JPH2: variants seen among roughly 807,000 people sequenced by gnomAD.
JPH2 encodes the protein junctophilin 2.
Under a neutral mutation model 55.9 loss-of-function variants are expected in JPH2, and 38 were observed. That is an observed-to-expected ratio of 0.68 (90% confidence interval 0.52 to 0.89). The LOEUF (loss-of-function observed/expected upper bound fraction) is 0.89. JPH2 is among the 40% of genes least tolerant of loss of function. The probability of loss-of-function intolerance (pLI) is 0.00; values close to 1 mark genes in which losing one functional copy is unlikely to be tolerated. For synonymous variants in JPH2, 480 were observed against 472.4 expected, an observed-to-expected ratio of 1.02 and a Z score of -0.21; for missense variants, 964 against 1,037.6, an observed-to-expected ratio of 0.93 and a Z score of 0.97.
chr20:44,159,570 C>T lies in JPH2; in HGVS notation c.1169+48G>A, dbSNP rs1432954742. On this transcript the variant is annotated intron_variant, in intron 2 of 5. Coordinates refer to ENST00000372980, the MANE Select transcript of JPH2 (RefSeq NM_020433.5). The surrounding 1 kb of genome is among the most constrained non-coding windows in gnomAD (Gnocchi z 5.7). ...CCTAGGTTGCCCTGCCCCAGGACCCCCTTCTCCGAGGGGAGGCGACCCCTT... is the reference window on the plus strand; with the variant it reads ...CCTAGGTTGCCCTGCCCCAGGACCCTCTTCTCCGAGGGGAGGCGACCCCTT... 1 of 1,557,656 alleles carries T rather than the reference C, an allele frequency of 6.4e-7. No individual in the cohort carries two copies. Among genetic ancestry groups the T allele is most frequent in the Non-Finnish European group, 8.6e-7 (1 of 1,156,074 alleles).
In JPH2 at chr20:44,160,419, G is replaced by A. The variant is rs987288946; in HGVS notation, c.380-12C>T. 2.5e-6 allele frequency: 4 copies of A among 1,607,758 alleles called. No homozygotes were observed. The highest frequency in any genetic ancestry group is 3.4e-6 in the Non-Finnish European group (4 of 1,178,096). ...GCCTTGGTACGTCCCTGCGGGCGAG[G>A]AGAGGGCGCGTCAGTAGGCGGCACG... On this transcript the variant is annotated splice_polypyrimidine_tract_variant and intron_variant, in intron 1 of 5. Transcript: ENST00000372980. The surrounding 1 kb of genome is among the most constrained non-coding windows in gnomAD (Gnocchi z 4.9).
chr20:44,163,673 G>A (rs76740827), intron 1 of JPH2, among the ~76,000 whole-genome samples: 3,514 of 152,330 alleles, frequency 0.023, 69 homozygotes, highest in Non-Finnish European at 0.034. Context: ...TGGGATCCAA[G>A]CCTAAGCCTG....
intron 2 of JPH2, among the ~76,000 whole-genome samples, chr20:44,140,578 C>T (rs780503511): frequency 6.6e-6 from 1 of 152,184 alleles, no homozygotes; most frequent in Non-Finnish European, 1.5e-5. Flanking sequence ...AAGGATACGG[C>T]TTGGCCAAAG....
intron 2 of JPH2, among the ~76,000 whole-genome samples, chr20:44,145,544 C>T (rs949477618): frequency 6.7e-6 from 1 of 148,562 alleles, no homozygotes; most frequent in African/African-American, 2.5e-5. Context: ...GAGGAGGCTG[C>T]AATAAGTCGA....
At chr20:44,115,347 C>G (rs1394268224) in intron 4 of JPH2, among the ~76,000 whole-genome samples, 1 of 152,186 alleles carries the variant, frequency 6.6e-6, no homozygotes, top group Non-Finnish European at 1.5e-5. Context: ...CCCAACCCCC[C>G]TGACTGGGCA....
chr20:44,126,161 AG>A (rs2072274332), intron 2 of JPH2, among the ~76,000 whole-genome samples: 1 of 46,978 alleles, frequency 2.1e-5, no homozygotes, highest in African/African-American at 8.6e-5. Context: ...GGAGGGAGGG[AG>A]GGAGGGAGGA....
intron 2 of JPH2, among the ~76,000 whole-genome samples, chr20:44,154,779 T>G (rs2072553341): frequency 6.6e-6 from 1 of 152,178 alleles, no homozygotes. Flanking sequence ...ACAATCCTGC[T>G]TTTCCTCCTG....
intron 2 of JPH2, among the ~76,000 whole-genome samples, chr20:44,131,643 C>A (rs986792220): frequency 1.3e-5 from 2 of 152,170 alleles, no homozygotes; most frequent in African/African-American, 4.8e-5. Context: ...GCTGTTCCTG[C>A]CATACTTTTA....
intron 2 of JPH2, among the ~76,000 whole-genome samples, chr20:44,143,516 C>T (rs779723194): frequency 3.3e-5 from 5 of 152,198 alleles, no homozygotes; most frequent in East Asian, 1.9e-4. Flanking sequence ...ATCCTTCAGA[C>T]GGACAATGCT....
At chr20:44,168,929 T>C (rs930581992) in intron 1 of JPH2, among the ~76,000 whole-genome samples, 1 of 151,914 alleles carries the variant, frequency 6.6e-6, no homozygotes, top group Non-Finnish European at 1.5e-5. Flanking sequence ...GGTGAGTGAG[T>C]TTCTGCTCTG....
chr20:44,112,802 C>T lies in JPH2; in HGVS notation c.*716G>A, dbSNP rs2072155755. The T allele has an allele frequency of 6.6e-6, 1 of 152,350 alleles. No homozygotes were observed. Among genetic ancestry groups the T allele is most frequent in the Non-Finnish European group, 1.5e-5 (1 of 68,204 alleles). 9.4% of individuals were successfully genotyped at this position (152,350 alleles called of 1,614,324 possible). On this transcript the variant is annotated 3_prime_UTR_variant, in exon 6 of 6. Coordinates refer to ENST00000372980, the MANE Select transcript of JPH2 (RefSeq NM_020433.5). ...CTCTTCCCACCCTGCCCCCTGGCCA[C>T]CTGGTCAGTGGCTTCCCAGCCAGAG...
chr20:44,136,576 A>C (rs2072415179), intron 2 of JPH2, among the ~76,000 whole-genome samples: 1 of 152,148 alleles, frequency 6.6e-6, no homozygotes, highest in African/African-American at 2.4e-5. Flanking sequence ...CACTATCCCC[A>C]CTTTGCAGGT....
chr20:44,136,521 T>C lies in JPH2; in HGVS notation c.1170-17898A>G, dbSNP rs181005001. On this transcript the variant is annotated intron_variant, in intron 2 of 5. Transcript: ENST00000372980. ...ACCTACTAGATGCCCGGCACTTGCA[T>C]GCGTTTTCTTAATTAATTCTCACAA... Among the ~76,000 whole-genome samples, 241 of 152,248 alleles carry C rather than the reference T, an allele frequency of 1.6e-3. 2 individuals are homozygous for C. The highest frequency in any genetic ancestry group is 5.5e-3 in the African/African-American group (230 of 41,528).
chr20:44,126,020 G>A (rs947470145), intron 2 of JPH2, among the ~76,000 whole-genome samples: 2 of 151,618 alleles, frequency 1.3e-5, no homozygotes, highest in Admixed American at 6.6e-5. Flanking sequence ...CCGCTACTTG[G>A]AAGGCTGAGG....
At chr20:44,149,963 G>GAAAAAA (rs67234498) in intron 2 of JPH2, among the ~76,000 whole-genome samples, 7 of 11,454 alleles carry the variant, frequency 6.1e-4, no homozygotes, top group Non-Finnish European at 7.0e-4. Context: ...GGCGACAGAG[G>GAAAAAA]AAAAAAAAAA....
intron 2 of JPH2, among the ~76,000 whole-genome samples, chr20:44,154,758 G>A (rs1400792416): frequency 1.3e-5 from 2 of 152,176 alleles, no homozygotes; most frequent in East Asian, 1.9e-4. Flanking sequence ...GAGTCCCTGC[G>A]GAAGATGGCC....
chr20:44,116,095 G>T lies in JPH2; in HGVS notation c.1580C>A (p.Ser527Tyr). ...GGGGCTGCGGCGGCCCGCGCCCTCG[G>T]ACGGAGTGACTGACCGGCTGCCCTC... The part of the protein sequence containing the change: ...SGEGSRSVTP[S>Y]EGAGRRSPAR... Residue 527 changes from serine (S) to tyrosine (Y), a missense_variant, in exon 4 of 6, where the codon TCC becomes TAC. By Grantham distance (144) the Ser-to-Tyr change is moderately radical. Coordinates refer to ENST00000372980, the MANE Select transcript of JPH2 (RefSeq NM_020433.5). 2.0e-6 allele frequency: 3 copies of T among 1,501,716 alleles called. No homozygotes were observed. The highest frequency in any genetic ancestry group is 2.6e-6 in the Non-Finnish European group (3 of 1,137,102). The allele number at this position is 1,501,716 out of a possible 1,614,324, so 93.0% of individuals were successfully genotyped here. A position where few individuals can be genotyped will look rare whatever the true frequency, so the allele number is the denominator to read the frequency against.
intron 1 of JPH2, among the ~76,000 whole-genome samples, chr20:44,174,801 G>T (rs2072721475): frequency 6.6e-6 from 1 of 152,066 alleles, no homozygotes; most frequent in South Asian, 2.1e-4. Flanking sequence ...AGGAGTTCAA[G>T]ACCAGCCTGG....
chr20:44,115,026 T>C (rs2072176825), intron 4 of JPH2, 150 bp from the exon 5 acceptor site: 2 of 704,338 alleles, frequency 2.8e-6, no homozygotes, highest in South Asian at 3.0e-5. Context: ...TCCTGTCACC[T>C]GGATGGCAGA....
Sources: gnomAD v4.1 joint callset for allele counts (sites outside exome capture counted in the v4.1 genomes callset) on GRCh38, gnomAD v4.1.1 for gene constraint, Gnocchi (gnomAD v3.1) non-coding constraint, MANE v1.5 for transcripts, NCBI Gene and HGNC (gene_info 2026-07-23, HGNC 2026-07-21) for gene names.